DZANK1: variants seen among roughly 807,000 people sequenced by gnomAD.
The protein encoded by DZANK1 is double zinc ribbon and ankyrin repeat-containing protein 1.
In DZANK1, 91 loss-of-function variants were observed where a neutral mutation model predicts 94.5. That is an observed-to-expected ratio of 0.96 (90% CI 0.81 to 1.15). DZANK1 has a LOEUF of 1.15. DZANK1 is among the 50% of genes most tolerant of loss of function. The pLI is 0.00. For missense variants in DZANK1, 903 were observed against 916.4 expected (o/e 0.99, Z 0.19); for synonymous variants, 312 against 325.3 (o/e 0.96, Z 0.44).
intron 2 of DZANK1, among the ~76,000 whole-genome samples, chr20:18,461,374 ATT>A (rs1336611477): frequency 6.6e-6 from 1 of 152,142 alleles, no homozygotes; most frequent in African/African-American, 2.4e-5. Flanking sequence ...CTTCCTCATT[ATT>A]TGTTATAGCT....
At chr20:18,431,799 C>T (rs996607498) in intron 9 of DZANK1, among the ~76,000 whole-genome samples, 2 of 152,178 alleles carry the variant, frequency 1.3e-5, no homozygotes, top group African/African-American at 4.8e-5. Context: ...TAACCCACAG[C>T]ACCCCAGCAT....
Position 18,384,558 on chromosome 20 carries a change from A to G in DZANK1, c.2100T>C (p.Asn700=), listed in dbSNP as rs1246050311. ...CTGCATTCTTCTTTTGGATGCTTGC[A>G]TTGCATCTGCAAAGGAAATGGAGAA... The change falls in exon 21 of 21, where the codon AAT becomes AAC. Residue 700 remains asparagine (N), a synonymous_variant. Coordinates refer to ENST00000262547, the Ensembl canonical transcript of DZANK1. 1.9e-6 allele frequency: 3 copies of G among 1,601,662 alleles called. No homozygotes were observed. The Admixed American group carries it at 5.2e-5, about 28-fold the overall frequency.
At chr20:18,404,506 C>A (rs1277960296) in intron 13 of DZANK1, among the ~76,000 whole-genome samples, 1 of 152,048 alleles carries the variant, frequency 6.6e-6, no homozygotes, top group Non-Finnish European at 1.5e-5. Context: ...AACAGACAAA[C>A]AAATAACAAT....
chr20:18,433,973 T>C (rs2058398817), intron 8 of DZANK1: 1 of 534,058 alleles, frequency 1.9e-6, no homozygotes, highest in Non-Finnish European at 3.3e-6. Context: ...TTTTAAATAA[T>C]TACCTTTATG....
exon 6 of DZANK1, chr20:18,452,679 C>A (rs896888096): frequency 5.6e-6 from 9 of 1,607,970 alleles, no homozygotes; most frequent in Admixed American, 1.7e-5. Context: ...TTCCAATGGA[C>A]TCTCTGAAAA....
chr20:18,420,131 C>T (rs931991848), intron 10 of DZANK1: 12 of 172,328 alleles, frequency 7.0e-5, no homozygotes, highest in Admixed American at 1.6e-4. Flanking sequence ...GTGCATCCTT[C>T]TTCTTATTCG....
chr20:18,461,692 C>A (rs556201218), intron 2 of DZANK1, among the ~76,000 whole-genome samples: 2 of 151,588 alleles, frequency 1.3e-5, no homozygotes, highest in African/African-American at 4.8e-5. Flanking sequence ...CTCTGCCTCC[C>A]GAGTTCAAGC....
At chr20:18,415,445 A>T in exon 11 of DZANK1, 1 of 1,513,908 alleles carries the variant, frequency 6.6e-7, no homozygotes. Context: ...CCCACTGCAC[A>T]TCGACTGGTG....
intron 13 of DZANK1, among the ~76,000 whole-genome samples, chr20:18,407,085 C>T (rs1191431753): frequency 6.6e-6 from 1 of 152,206 alleles, no homozygotes; most frequent in African/African-American, 2.4e-5. Context: ...CCTTGGCTCC[C>T]GACAGCATCT....
intron 9 of DZANK1, among the ~76,000 whole-genome samples, chr20:18,427,606 G>GGGGGGTGTGT (rs112783791): frequency 1.5e-4 from 23 of 148,788 alleles, no homozygotes; most frequent in African/African-American, 5.4e-4. Context: ...TGTAAGGTTG[G>GGGGGGTGTGT]GTGTGTGTGT....
At chr20:18,452,354 CATGT>C (rs1241734626) in intron 6 of DZANK1, among the ~76,000 whole-genome samples, 1 of 152,102 alleles carries the variant, frequency 6.6e-6, no homozygotes, top group Non-Finnish European at 1.5e-5. Flanking sequence ...ATCTCATTAC[CATGT>C]TATCTTCTTC....
intron 2 of DZANK1, among the ~76,000 whole-genome samples, chr20:18,460,585 C>T (rs543997136): frequency 1.3e-5 from 2 of 152,038 alleles, no homozygotes; most frequent in East Asian, 1.9e-4. Flanking sequence ...AAAAATTAGC[C>T]GGGCGTGGTG....
chr20:18,455,773 T>C (rs1467342379), intron 3 of DZANK1, among the ~76,000 whole-genome samples: 1 of 152,166 alleles, frequency 6.6e-6, no homozygotes, highest in Non-Finnish European at 1.5e-5. Flanking sequence ...TCGCCACTCA[T>C]CACTCTCACT....
At chr20:18,384,920 C>T in intron 20 of DZANK1, 96 bp downstream of exon 20, 2 of 1,195,600 alleles carry the variant, frequency 1.7e-6, no homozygotes, top group South Asian at 1.4e-5. Flanking sequence ...ACAGGGACAG[C>T]AGTTCAGGAA....
chr20:18,434,406 G>A (rs1017892825), intron 8 of DZANK1, among the ~76,000 whole-genome samples: 5 of 151,772 alleles, frequency 3.3e-5, no homozygotes, highest in African/African-American at 9.6e-5. Context: ...TTAGCTGGGC[G>A]TAGTGGCGGG....
rs1365354459 is a variant in DZANK1, at chr20:18,446,292, AG to A, written c.629+2691del. 2.0e-5 allele frequency among the ~76,000 whole-genome samples: 3 copies of A among 152,150 alleles called. No individual in the cohort carries two copies. In the East Asian group the frequency reaches 5.8e-4, roughly 29 times the overall value. On this transcript the variant is annotated intron_variant, in intron 7 of 20. Transcript: ENST00000262547. The stretch of plus-strand genomic sequence containing the variant: ...AAGGAAGGAAAGAAGGAAGGGAGAG[AG>A]GGTGGGAAGGCAGGAAGGAAAGAAA...
At chr20:18,466,015 T>C (rs1230181741) in intron 1 of DZANK1, among the ~76,000 whole-genome samples, 2 of 152,188 alleles carry the variant, frequency 1.3e-5, no homozygotes, top group African/African-American at 4.8e-5. Flanking sequence ...TATTTATAAA[T>C]CCTGGTATTA....
At chr20:18,449,099 G>A (rs1569002032) in intron 6 of DZANK1, 30 bp from the exon 7 acceptor site, 19 of 1,557,936 alleles carry the variant, frequency 1.2e-5, no homozygotes, top group Non-Finnish European at 1.7e-5. Context: ...TATAAAGACA[G>A]AGTCATATAG....
In DZANK1 at chr20:18,443,152, C is replaced by T. The variant is rs16979178; in HGVS notation, c.747+195G>A. 2.4e-3 allele frequency among the ~76,000 whole-genome samples: 368 copies of T among 152,266 alleles called. 6 individuals carry two copies. The highest frequency in any genetic ancestry group is 0.02 in the Admixed American group (310 of 15,294). ...ATCTTTTTTAAGCCCGTGCTTCTGG[C>T]AGGCCACACAAAAGACACAGCATTG... On this transcript the variant is annotated intron_variant, in intron 8 of 20. Transcript: ENST00000262547.
Sources: allele counts gnomAD v4.1 joint callset (sites outside exome capture counted in the v4.1 genomes callset), GRCh38; gene constraint gnomAD v4.1.1; transcripts MANE v1.5; gene names NCBI Gene and HGNC (gene_info 2026-07-23, HGNC 2026-07-21).